SLC14A2: variants seen among roughly 807,000 people sequenced by gnomAD.
The protein encoded by SLC14A2 is urea transporter 2.
In SLC14A2, 91 loss-of-function variants were observed where a neutral mutation model predicts 104.6. The observed-to-expected ratio is 0.87, with a 90% CI of 0.73 to 1.04. SLC14A2 has a LOEUF of 1.04. SLC14A2 is among the 50% of genes least tolerant of loss of function. The pLI, the probability that SLC14A2 is intolerant of heterozygous loss-of-function variation, is 0.00. For missense variants in SLC14A2, 1,189 were observed against 1,156.0 expected, an observed-to-expected ratio of 1.03 and a Z score of -0.41; for synonymous variants, 476 against 466.4, an observed-to-expected ratio of 1.02 and a Z score of -0.27.
At chr18:45,204,467 G>A in the SLC14A2 span, among the ~76,000 whole-genome samples, 8 of 152,288 alleles carry the variant, frequency 5.3e-5, no homozygotes, top group East Asian at 9.6e-4. Flanking sequence ...GGTATTTGAT[G>A]ACCTCTGAGA....
At chr18:45,212,148 T>G (rs2083966857), upstream of SLC14A2, among the ~76,000 whole-genome samples, 1 of 152,216 alleles carries the variant, frequency 6.6e-6, no homozygotes, top group Admixed American at 6.5e-5. Context: ...ATTCAACTTT[T>G]TATGTATATT....
intron 1 of SLC14A2, among the ~76,000 whole-genome samples, chr18:45,345,030 AG>A (rs1170229593): frequency 1.3e-5 from 2 of 152,130 alleles, no homozygotes; most frequent in African/African-American, 4.8e-5. Flanking sequence ...TTGGACGTGC[AG>A]TATGATCCAT....
At chr18:45,465,264 C>T (rs920466680) in intron 1 of SLC14A2, among the ~76,000 whole-genome samples, 1 of 152,218 alleles carries the variant, frequency 6.6e-6, no homozygotes, top group African/African-American at 2.4e-5. Context: ...GTGAGAGAAG[C>T]AGTGCCTCCA....
chr18:45,238,134 A>C (rs2084274745), intron 1 of SLC14A2, among the ~76,000 whole-genome samples: 1 of 152,204 alleles, frequency 6.6e-6, no homozygotes, highest in Non-Finnish European at 1.5e-5. Flanking sequence ...CAACACAGAA[A>C]GTCCCCAAGC....
At chr18:45,316,515 C>T in intron 1 of SLC14A2, among the ~76,000 whole-genome samples, 1 of 152,188 alleles carries the variant, frequency 6.6e-6, no homozygotes, top group East Asian at 1.9e-4. Flanking sequence ...TTGGATTTGT[C>T]ATATGTTCCA....
rs1237752943 is a variant in SLC14A2 at position 45,298,892 on chromosome 18, A to C, written c.-125+85701A>C. On this transcript the variant is annotated intron_variant, in intron 1 of 20. Coordinates refer to the SLC14A2 transcript ENST00000586448. ...TCTTTCTCATTCTCAAGGAAGAAACAATTCTCAAAATTTTTGTGTTTTTAA... is the reference window on the plus strand; with the variant it reads ...TCTTTCTCATTCTCAAGGAAGAAACCATTCTCAAAATTTTTGTGTTTTTAA... 3.9e-5 allele frequency among the ~76,000 whole-genome samples: 6 copies of C among 152,162 alleles called. No individual in the cohort carries two copies. The East Asian group carries it at 1.2e-3, about 29-fold the overall frequency.
At chr18:45,325,564 G>A (rs2085226693) in intron 1 of SLC14A2, among the ~76,000 whole-genome samples, 1 of 152,122 alleles carries the variant, frequency 6.6e-6, no homozygotes, top group Non-Finnish European at 1.5e-5. Context: ...TGAACCACTT[G>A]GATAATGCAC....
chr18:45,327,733 G>T (rs537006783), intron 1 of SLC14A2, among the ~76,000 whole-genome samples: 1 of 152,142 alleles, frequency 6.6e-6, no homozygotes, highest in Non-Finnish European at 1.5e-5. Context: ...TTTTGAGGCC[G>T]AAAACATTTT....
chr18:45,372,486 G>A (rs2085733683), intron 1 of SLC14A2, among the ~76,000 whole-genome samples: 1 of 152,152 alleles, frequency 6.6e-6, no homozygotes, highest in Non-Finnish European at 1.5e-5. Context: ...TGTCATTCAG[G>A]GAGTTACTGC....
At chr18:45,408,249 T>TTC (rs993080264) in intron 1 of SLC14A2, among the ~76,000 whole-genome samples, 1 of 152,184 alleles carries the variant, frequency 6.6e-6, no homozygotes, top group African/African-American at 2.4e-5. Context: ...GAGATCATTT[T>TTC]TCTCTCTCTC....
At chr18:45,359,674 A>G (rs2085591142) in intron 1 of SLC14A2, among the ~76,000 whole-genome samples, 1 of 152,324 alleles carries the variant, frequency 6.6e-6, no homozygotes, top group East Asian at 1.9e-4. Flanking sequence ...CACTGTGTGC[A>G]GAGGGGGAGC....
At chr18:45,568,726 G>C (rs531716832) in intron 2 of SLC14A2, among the ~76,000 whole-genome samples, 1 of 152,332 alleles carries the variant, frequency 6.6e-6, no homozygotes, top group African/African-American at 2.4e-5. Flanking sequence ...GTAGAGGCCA[G>C]CACCTACCTA....
chr18:45,607,437 T>C (rs891065696), intron 2 of SLC14A2, among the ~76,000 whole-genome samples: 53 of 152,300 alleles, frequency 3.5e-4, no homozygotes, highest in African/African-American at 1.3e-3. Flanking sequence ...TAAGATAACA[T>C]AGGTACCAGT....
intron 2 of SLC14A2, among the ~76,000 whole-genome samples, chr18:45,511,562 G>A (rs1242831011): frequency 6.6e-6 from 1 of 152,180 alleles, no homozygotes; most frequent in Non-Finnish European, 1.5e-5. Context: ...TTGATATTTA[G>A]CTGTTAAATG....
At chr18:45,667,290 T>C (rs1445171106) in intron 13 of SLC14A2, among the ~76,000 whole-genome samples, 196 bp downstream of exon 13, 2 of 152,174 alleles carry the variant, frequency 1.3e-5, no homozygotes, top group Non-Finnish European at 2.9e-5. Context: ...TAAATAGCAA[T>C]ACATGCAAGA....
chr18:45,533,171 T>G (rs564999786), intron 2 of SLC14A2, among the ~76,000 whole-genome samples: 1 of 152,228 alleles, frequency 6.6e-6, no homozygotes, highest in Non-Finnish European at 1.5e-5. Flanking sequence ...TTTTTGGTTG[T>G]GTCTCTGCCA....
At chr18:45,441,130 C>A (rs927953297) in intron 1 of SLC14A2, among the ~76,000 whole-genome samples, 35 of 152,184 alleles carry the variant, frequency 2.3e-4, no homozygotes, top group Admixed American at 6.5e-5. Context: ...TCTCTTTTTC[C>A]ACTTTGGCTG....
the SLC14A2 span, among the ~76,000 whole-genome samples, chr18:45,176,246 A>T: frequency 6.6e-6 from 1 of 152,186 alleles, no homozygotes; most frequent in Non-Finnish European, 1.5e-5. Context: ...TCACAACCAC[A>T]ATATGTGATA....
chr18:45,500,539 T>C (rs1357194476), intron 2 of SLC14A2, among the ~76,000 whole-genome samples: 1 of 138,472 alleles, frequency 7.2e-6, no homozygotes, highest in Non-Finnish European at 1.5e-5. Context: ...ATCGCGCCAC[T>C]GCACTCCAGC....
Sources: gnomAD v4.1 joint callset for allele counts (sites outside exome capture counted in the v4.1 genomes callset) on GRCh38, gnomAD v4.1.1 for gene constraint, MANE v1.5 for transcripts, NCBI Gene and HGNC (gene_info 2026-07-23, HGNC 2026-07-21) for gene names.